The following ARHGEF10L variants were observed in gnomAD, a reference collection of about 807,000 sequenced individuals.
ARHGEF10L encodes Rho guanine nucleotide exchange factor 10 like, also known as rho guanine nucleotide exchange factor 10-like protein.
ARHGEF10L carries 69 observed loss-of-function variants against 141.2 expected under a neutral mutation model. The ratio of observed to expected loss-of-function variants is 0.49; its 90% CI spans 0.40 to 0.60. ARHGEF10L has a LOEUF of 0.60. Among genes scored for constraint, ARHGEF10L ranks in the 20% least tolerant of loss-of-function variants. The pLI is 0.00. For missense variants in ARHGEF10L, 1,482 were observed against 1,734.3 expected, an observed-to-expected ratio of 0.85 and a Z score of 2.58; for synonymous variants, 711 against 718.5, an observed-to-expected ratio of 0.99 and a Z score of 0.17.
chr1:17,533,314 A>G, the ARHGEF10L span, among the ~76,000 whole-genome samples: 1 of 152,206 alleles, frequency 6.6e-6, no homozygotes, highest in African/African-American at 2.4e-5. Flanking sequence ...AGAGAGTGCT[A>G]TTAAGCATTT....
chr1:17,652,881 TAGGCC>T (rs1218305030), intron 22 of ARHGEF10L, among the ~76,000 whole-genome samples: 2 of 152,134 alleles, frequency 1.3e-5, no homozygotes, highest in Non-Finnish European at 2.9e-5. Context: ...CAGGCTTGCT[TAGGCC>T]AAAGCTCACA....
At chr1:17,650,794 C>T (rs1052364708) in intron 22 of ARHGEF10L, among the ~76,000 whole-genome samples, 29 of 151,396 alleles carry the variant, frequency 1.9e-4, no homozygotes, top group African/African-American at 6.8e-4. Context: ...AGCTCAGGGT[C>T]CTGCTGAGAC....
At chr1:17,520,562 G>C in the ARHGEF10L span, among the ~76,000 whole-genome samples, 4 of 152,084 alleles carry the variant, frequency 2.6e-5, no homozygotes, top group African/African-American at 9.7e-5. Context: ...TGACACCCTT[G>C]TGTGTCAGGC....
In ARHGEF10L at chr1:17,621,125, G is replaced by T. The variant is rs532964184; in HGVS notation, c.943-739G>T. Among the ~76,000 whole-genome samples the T allele has an allele frequency of 1.3e-5, 2 of 152,192 alleles. No individual in the cohort carries two copies. Among genetic ancestry groups the T allele is most frequent in the Non-Finnish European group, 2.9e-5 (2 of 68,036 alleles). On this transcript the variant is annotated intron_variant, in intron 10 of 28. Transcript: ENST00000361221. This position sits in a 1 kb window ranked among gnomAD's most constrained non-coding sequence, Gnocchi z 4.1. ...AGCCAGAAGCAGAGACCACTCGTGT[G>T]GGGGGACGGTACCCCAAGGCCTGTC...
chr1:17,582,566 A>C (rs561740153), intron 2 of ARHGEF10L, among the ~76,000 whole-genome samples: 3 of 152,170 alleles, frequency 2.0e-5, no homozygotes, highest in Admixed American at 1.3e-4. Context: ...CCCCCGGGGC[A>C]CTTGGTGTTT....
At chr1:17,608,414 C>T (rs1390247006) in intron 7 of ARHGEF10L, among the ~76,000 whole-genome samples, 1 of 152,234 alleles carries the variant, frequency 6.6e-6, no homozygotes, top group Non-Finnish European at 1.5e-5. Context: ...AGGCCTCAGC[C>T]CGCGCAGTCC....
At chr1:17,687,505 T>G (rs957157932) in intron 26 of ARHGEF10L, 68 bp from the exon 27 acceptor site, 91 of 1,549,762 alleles carry the variant, frequency 5.9e-5, no homozygotes, top group East Asian at 3.2e-4. Context: ...GGCCCAGGGG[T>G]GGGGGCTTGT....
intron 27 of ARHGEF10L, among the ~76,000 whole-genome samples, chr1:17,688,211 G>A (rs2064780784): frequency 6.6e-6 from 1 of 152,198 alleles, no homozygotes; most frequent in East Asian, 1.9e-4. Context: ...CCCCTCTTGG[G>A]CCTTCTAGTC....
chr1:17,517,212 C>T, the ARHGEF10L span, among the ~76,000 whole-genome samples: 2 of 152,236 alleles, frequency 1.3e-5, no homozygotes, highest in African/African-American at 2.4e-5. Flanking sequence ...TACAGACTTT[C>T]AGTGTGACCT....
intron 7 of ARHGEF10L, among the ~76,000 whole-genome samples, chr1:17,611,418 T>C (rs985854018): frequency 2.0e-5 from 3 of 152,192 alleles, no homozygotes; most frequent in Non-Finnish European, 4.4e-5. Context: ...GTACCCTAAG[T>C]GGTCAGTATT....
chr1:17,525,636 G>A, the ARHGEF10L span, among the ~76,000 whole-genome samples: 1 of 152,128 alleles, frequency 6.6e-6, no homozygotes, highest in East Asian at 1.9e-4. Flanking sequence ...TCCAGCCTGG[G>A]CAACAGAGCG....
At position 17,619,411 on chromosome 1, in the gene ARHGEF10L, TG is replaced by T; in HGVS notation, c.911del (p.Gly304AlafsTer7). ...GACATCAAGCCCCCAGCCCCAGAGCTGGGCCCCATGCCAGAGGGCCTGAGCC... is the reference window on the plus strand; with the variant it reads ...GACATCAAGCCCCCAGCCCCAGAGCTGGCCCCATGCCAGAGGGCCTGAGCC... ...VSDIKPPAPE[L>X]GPMPEGLSPQ... On this transcript the variant is annotated frameshift_variant, in exon 10 of 29. Transcript: ENST00000361221. LOFTEE classifies it high-confidence loss of function. This position sits in a 1 kb window ranked among gnomAD's most constrained non-coding sequence, Gnocchi z 5.0. 1.2e-6 allele frequency: 2 copies of T among 1,600,920 alleles called. No individual in the cohort carries two copies. The highest frequency in any genetic ancestry group is 1.7e-6 in the Non-Finnish European group (2 of 1,174,078).
At chr1:17,655,437 G>A (rs1043883329) in intron 23 of ARHGEF10L, among the ~76,000 whole-genome samples, 1 of 148,478 alleles carries the variant, frequency 6.7e-6, no homozygotes, top group Admixed American at 6.7e-5. Context: ...TCTATCATCT[G>A]TCCATCCATC....
At chr1:17,552,962 A>G (rs1036890693) in intron 1 of ARHGEF10L, among the ~76,000 whole-genome samples, 1 of 152,080 alleles carries the variant, frequency 6.6e-6, no homozygotes, top group Admixed American at 6.5e-5. Context: ...ACTTGATAGG[A>G]TCCTGTGGGG....
chr1:17,646,661 C>T (rs1003692081), intron 21 of ARHGEF10L, among the ~76,000 whole-genome samples: 2 of 152,052 alleles, frequency 1.3e-5, no homozygotes, highest in African/African-American at 4.8e-5. Flanking sequence ...GGTGTGATAC[C>T]CTCCAATGGG....
chr1:17,664,550 TGGGCCCCG>T lies in ARHGEF10L; in HGVS notation c.2967_2974del (p.Pro990HisfsTer50). ...TGGAGGATGCCGTGTGGGCCAGCTG[TGGGCCCCG>T]GGTCACTGTCCTGGAAGCCACCACC... On this transcript the variant is annotated frameshift_variant, in exon 26 of 29. Transcript: ENST00000361221. LOFTEE classifies it high-confidence loss of function. 1 of 1,607,292 alleles carries T rather than the reference TGGGCCCCG, an allele frequency of 6.2e-7. No individual in the cohort carries two copies. Among genetic ancestry groups the T allele is most frequent in the East Asian group, 2.2e-5 (1 of 44,742 alleles).
At chr1:17,581,571 A>G (rs1159241555) in intron 2 of ARHGEF10L, among the ~76,000 whole-genome samples, 1 of 152,026 alleles carries the variant, frequency 6.6e-6, no homozygotes, top group South Asian at 2.1e-4. Context: ...GTAATGAGTG[A>G]GGGCTTTGTC....
At chr1:17,539,036 C>T (rs2076625625), upstream of ARHGEF10L, among the ~76,000 whole-genome samples, 1 of 152,266 alleles carries the variant, frequency 6.6e-6, no homozygotes, top group Non-Finnish European at 1.5e-5. This position sits in a 1 kb window ranked among gnomAD's most constrained non-coding sequence, Gnocchi z 6.0. Context: ...TCAGTCTCAG[C>T]ACTTTGCTGC....
rs1427155258 is a variant in ARHGEF10L, at chr1:17,696,973, G to T, written c.3433G>T (p.Glu1145Ter). 2 of 1,612,340 alleles carry T rather than the reference G, an allele frequency of 1.2e-6. No individual in the cohort carries two copies. Among genetic ancestry groups the T allele is most frequent in the Non-Finnish European group, 1.7e-6 (2 of 1,179,790 alleles). ...GGAGGCTGAGGGGCCCCGGGCTGAG[G>T]AGGACAAGCCAGACGGGCAGGCACA... is the stretch of plus-strand genomic sequence containing the variant. ...QEEAEGPRAE[E>*]DKPDGQAHEP... Residue 1145 changes from glutamate (E) to a stop codon, truncating the protein, a stop_gained, in exon 29 of 29, where the codon GAG (glutamate) becomes TAG (stop). Transcript: ENST00000361221. LOFTEE classifies it high-confidence loss of function.
Sources: gnomAD v4.1 joint callset for allele counts (sites outside exome capture counted in the v4.1 genomes callset) on GRCh38, gnomAD v4.1.1 for gene constraint, Gnocchi (gnomAD v3.1) non-coding constraint, MANE v1.5 for transcripts, NCBI Gene and HGNC (gene_info 2026-07-23, HGNC 2026-07-21) for gene names.